MYOM3: variants seen among roughly 807,000 people sequenced by gnomAD.
The protein encoded by MYOM3 is myomesin 3.
In MYOM3, 155 loss-of-function variants were observed where a neutral mutation model predicts 191.7. The ratio of observed to expected loss-of-function variants is 0.81; its 90% CI spans 0.71 to 0.92. The LOEUF (loss-of-function observed/expected upper bound fraction) is 0.92, where lower values mean the gene tolerates loss of function less well. Ranked by LOEUF, MYOM3 falls within the 40% of genes least tolerant of loss-of-function variation. The probability of loss-of-function intolerance (pLI) is 0.00; values close to 1 mark genes in which losing one functional copy is unlikely to be tolerated. For missense variants in MYOM3, 1,889 were observed against 1,890.6 expected, an observed-to-expected ratio of 1.00 and a Z score of 0.02; for synonymous variants, 757 against 762.9, an observed-to-expected ratio of 0.99 and a Z score of 0.13.
intron 29 of MYOM3, chr1:24,064,402 T>C (rs1013146132): frequency 1.0e-5 from 5 of 495,516 alleles, no homozygotes; most frequent in Middle Eastern, 5.4e-4. Context: ...AGGGGTGGAG[T>C]AGGGGGAGTT....
rs1291270351 is a variant in MYOM3 at position 24,075,412 on chromosome 1, G to A, written c.2765C>T (p.Pro922Leu). The A allele has an allele frequency of 6.2e-7, 1 of 1,610,412 alleles. No homozygotes were observed. Among genetic ancestry groups the A allele is most frequent in the South Asian group, 1.1e-5 (1 of 90,496 alleles). ...AAACTCTGAGGAGTCGGGGGCTTCA[G>A]GGGCTTCAAAAGCCAAATAGATAAA... ...EGFIYLAFEA[P>L]EAPDSSEFQW... Residue 922 changes from proline to leucine, a missense_variant, in exon 22 of 37, where the codon CCT (proline) becomes CTT (leucine). Transcript: ENST00000374434.
rs892849746 is a variant in MYOM3, at chr1:24,081,396, C to A, written c.2341G>T (p.Gly781Cys). The A allele has an allele frequency of 7.4e-6, 12 of 1,614,092 alleles. No individual in the cohort carries two copies. Among genetic ancestry groups the A allele is most frequent in the Non-Finnish European group, 9.3e-6 (11 of 1,180,038 alleles). The change falls in exon 19 of 37, where the codon GGT (glycine) becomes TGT (cysteine). Residue 781 changes from glycine to cysteine, a missense_variant. Gly to Cys is a radical substitution (Grantham distance 159). Transcript: ENST00000374434. The part of the protein sequence containing the change: ...EFRARAANWA[G>C]VGELSAPSSL... ...CTGGGTGCCGACAGCTCGCCAACAC[C>A]TGCCCAGTTGGCAGCCCGGGCACGG...
chr1:24,098,014 GA>G lies in MYOM3; in HGVS notation c.657-4del. 1.2e-6 allele frequency: 2 copies of G among 1,600,912 alleles called. No individual in the cohort carries two copies. Among genetic ancestry groups the G allele is most frequent in the Non-Finnish European group, 1.7e-6 (2 of 1,167,864 alleles). ...TTGCTGAGTCCTCAATGGCGCATCT[GA>G]AAAGGAGAGAGGGAGAAGTTCCTCC... On this transcript the variant is annotated splice_region_variant and splice_polypyrimidine_tract_variant and intron_variant, in intron 6 of 36. Transcript: ENST00000374434.
chr1:24,099,393 C>T (rs1643896001), intron 6 of MYOM3, among the ~76,000 whole-genome samples: 1 of 152,006 alleles, frequency 6.6e-6, no homozygotes, highest in Non-Finnish European at 1.5e-5. Context: ...CGGCCAGCCT[C>T]TGAGTCCAAA....
At chr1:24,079,211 T>C (rs6677646) in intron 20 of MYOM3, among the ~76,000 whole-genome samples, 61,565 of 151,966 alleles carry the variant, frequency 0.41, 12,774 homozygotes, top group East Asian at 0.44. Context: ...ACCTCATTCT[T>C]TTTTTTGAGA....
intron 20 of MYOM3, among the ~76,000 whole-genome samples, chr1:24,077,202 T>C (rs757607412): frequency 1.1e-4 from 16 of 152,232 alleles, no homozygotes; most frequent in Admixed American, 2.0e-4. Context: ...TCTCCTCACC[T>C]GGGGCAGTCC....
intron 5 of MYOM3, among the ~76,000 whole-genome samples, chr1:24,105,561 G>C (rs1397245426): frequency 6.6e-6 from 1 of 152,240 alleles, no homozygotes; most frequent in Non-Finnish European, 1.5e-5. Context: ...CAGGGGCCCA[G>C]TCTTCCAGCC....
intron 1 of MYOM3, among the ~76,000 whole-genome samples, chr1:24,109,547 T>C (rs1644021799): frequency 6.6e-6 from 1 of 152,234 alleles, no homozygotes; most frequent in African/African-American, 2.4e-5. Context: ...CTCTATGTAA[T>C]TATTTTGTAT....
rs779350719 is a variant in MYOM3, at chr1:24,063,673, G to A, written c.3623-143C>T. ...GCAACTCTGTAGGATGACTCTCATAGCTTGGGGATAGGAGGGGGTTCAGGG... is the reference window on the plus strand; with the variant it reads ...GCAACTCTGTAGGATGACTCTCATAACTTGGGGATAGGAGGGGGTTCAGGG... On this transcript the variant is annotated intron_variant, in intron 30 of 36. Transcript: ENST00000374434. The surrounding 1 kb of genome is among the most constrained non-coding windows in gnomAD (Gnocchi z 4.5). 7.5e-6 allele frequency: 7 copies of A among 929,634 alleles called. No homozygotes were observed. The highest frequency in any genetic ancestry group is 3.3e-5 in the African/African-American group (2 of 61,422). The allele number at this position is 929,634 out of a possible 1,614,324, so 57.6% of individuals were successfully genotyped here.
At position 24,064,076 on chromosome 1, in the gene MYOM3, A is replaced by G; in HGVS notation, c.3618T>C (p.Gly1206=). 6.2e-7 allele frequency: 1 copy of G among 1,613,514 alleles called. No individual in the cohort carries two copies. The highest frequency in any genetic ancestry group is 2.2e-5 in the East Asian group (1 of 44,844). Residue 1206 remains glycine (G), a synonymous_variant, in exon 30 of 37, where the codon GGT becomes GGC. Coordinates refer to ENST00000374434, the MANE Select transcript of MYOM3 (RefSeq NM_152372.4). ...GEDDTILDLT[G]DALDAIFTEL... ...TGACCCATCGCCAGCTCCTACCGTCACCCGTGAGGTCCAATATGGTGTCGT... is the reference window on the plus strand; with the variant it reads ...TGACCCATCGCCAGCTCCTACCGTCGCCCGTGAGGTCCAATATGGTGTCGT...
chr1:24,095,493 A>G lies in MYOM3; in HGVS notation c.746-7T>C, dbSNP rs1413030369. On this transcript the variant is annotated splice_region_variant and splice_polypyrimidine_tract_variant and intron_variant, in intron 7 of 36. Transcript: ENST00000374434. ...GCATCCTTCCCCAGGTAAGCTGAAA[A>G]ACCAAAGGCAAACAGAGTTGGAGAA... The G allele has an allele frequency of 3.7e-6, 6 of 1,612,448 alleles. No homozygotes were observed.
chr1:24,081,841 T>G, intron 18 of MYOM3, 160 bp downstream of exon 18: 1 of 724,184 alleles, frequency 1.4e-6, no homozygotes, highest in East Asian at 2.8e-5. Flanking sequence ...TCTAAACAGT[T>G]CTGTTCAAGG....
chr1:24,072,921 A>T (rs1643549721), intron 23 of MYOM3, among the ~76,000 whole-genome samples: 1 of 152,204 alleles, frequency 6.6e-6, no homozygotes, highest in Non-Finnish European at 1.5e-5. Context: ...TGCTCAGTCA[A>T]TATGGACTGT....
Position 24,108,479 on chromosome 1 carries a change from C to G in MYOM3, c.158G>C (p.Ser53Thr), listed in dbSNP as rs746566612. ...GCGGGGACCCTGTGGCTCCCACCTGCTGCGGAAGGTCCGCCTCCGCACAGA... is the reference window on the plus strand; with the variant it reads ...GCGGGGACCCTGTGGCTCCCACCTGGTGCGGAAGGTCCGCCTCCGCACAGA... ...GSSVRRRTFR[S>T]SEEEHEFSAA... The change falls in exon 2 of 37, where the codon AGC becomes ACC. Residue 53 changes from serine (S) to threonine (T), a missense_variant. Physicochemically the swap from Ser to Thr is moderately conservative, Grantham distance 58. Coordinates refer to ENST00000374434, the MANE Select transcript of MYOM3 (RefSeq NM_152372.4). 4 of 1,556,470 alleles carry G rather than the reference C, an allele frequency of 2.6e-6. No homozygotes were observed. The Admixed American group carries it at 7.7e-5, about 30-fold the overall frequency.
chr1:24,096,179 G>A (rs1643877573), intron 7 of MYOM3, among the ~76,000 whole-genome samples: 1 of 152,146 alleles, frequency 6.6e-6, no homozygotes. Context: ...TCCTGAGCAA[G>A]GTCCAGAGAA....
chr1:24,086,960 G>A (rs1465107801), intron 14 of MYOM3, 133 bp from the exon 15 acceptor site: 3 of 897,472 alleles, frequency 3.3e-6, no homozygotes, highest in East Asian at 5.2e-5. Context: ...CTGCCCCTGA[G>A]CATGGGGCTC....
Position 24,057,332 on chromosome 1 carries a change from A to T in MYOM3, c.*32T>A, listed in dbSNP as rs1643313905. ...AGGTTGTCCCTACTGGTCCATGTAG[A>T]CTAGACTCAGACTGTGCCTGGACAC... On this transcript the variant is annotated 3_prime_UTR_variant, in exon 37 of 37. Coordinates refer to ENST00000374434, the MANE Select transcript of MYOM3 (RefSeq NM_152372.4). The T allele has an allele frequency of 6.2e-7, 1 of 1,600,698 alleles. No homozygotes were observed. Among genetic ancestry groups the T allele is most frequent in the African/African-American group, 1.3e-5 (1 of 74,818 alleles).
At chr1:24,069,942 T>C (rs555124772) in intron 25 of MYOM3, among the ~76,000 whole-genome samples, 2 of 152,278 alleles carry the variant, frequency 1.3e-5, no homozygotes, top group African/African-American at 4.8e-5. Flanking sequence ...TGCTTTGCCA[T>C]CTGGAGATGA....
intron 5 of MYOM3, among the ~76,000 whole-genome samples, chr1:24,102,995 A>C (rs999430108): frequency 2.6e-5 from 4 of 152,228 alleles, no homozygotes; most frequent in African/African-American, 7.2e-5. Flanking sequence ...ATGGAAAACC[A>C]GATCCACCAA....
Sources: gnomAD v4.1 joint callset for allele counts (sites outside exome capture counted in the v4.1 genomes callset) on GRCh38, gnomAD v4.1.1 for gene constraint, Gnocchi (gnomAD v3.1) non-coding constraint, MANE v1.5 for transcripts, NCBI Gene and HGNC (gene_info 2026-07-23, HGNC 2026-07-21) for gene names.